Variants in MAST2 observed in about 807,000 individuals in gnomAD.
The protein encoded by MAST2 is microtubule-associated serine/threonine-protein kinase 2.
A neutral mutation model predicts 147.4 loss-of-function variants in MAST2; 70 were observed. The observed-to-expected ratio is 0.47, with a 90% CI of 0.39 to 0.58. The LOEUF is 0.58. Ranked by LOEUF, MAST2 falls within the 20% of genes least tolerant of loss-of-function variation. The probability of loss-of-function intolerance (pLI) is 0.00; values close to 1 mark genes in which losing one functional copy is unlikely to be tolerated. For synonymous variants in MAST2, 869 were observed against 896.8 expected (o/e 0.97, Z 0.55); for missense variants, 2,080 against 2,302.3 (o/e 0.90, Z 1.98).
chr1:45,821,502 T>C (rs953422099), intron 1 of MAST2, among the ~76,000 whole-genome samples: 2 of 148,148 alleles, frequency 1.3e-5, no homozygotes, highest in African/African-American at 5.0e-5. Flanking sequence ...GAAGTTTTGG[T>C]ATGTTATTTC....
chr1:46,016,854 C>T (rs1645969352), intron 10 of MAST2, among the ~76,000 whole-genome samples: 2 of 152,236 alleles, frequency 1.3e-5, no homozygotes, highest in South Asian at 2.1e-4. Flanking sequence ...CAAAAAAGAG[C>T]CCGCATCGCC....
chr1:45,906,282 G>A (rs1018055356), intron 4 of MAST2, among the ~76,000 whole-genome samples: 1 of 152,142 alleles, frequency 6.6e-6, no homozygotes, highest in African/African-American at 2.4e-5. Flanking sequence ...TAAAGGAGCT[G>A]AAAGTGACAT....
chr1:45,968,877 GTTT>G (rs35057147), intron 5 of MAST2, among the ~76,000 whole-genome samples: 1 of 139,284 alleles, frequency 7.2e-6, no homozygotes, highest in Non-Finnish European at 1.6e-5. Flanking sequence ...TCTGGTGTTG[GTTT>G]TTTTTTTTTC....
chr1:45,858,628 T>C (rs1645872994), intron 3 of MAST2, among the ~76,000 whole-genome samples: 1 of 142,834 alleles, frequency 7.0e-6, no homozygotes, highest in African/African-American at 2.6e-5. Context: ...TAAGATCCCA[T>C]TTGTCAATTT....
intron 4 of MAST2, among the ~76,000 whole-genome samples, chr1:45,955,774 C>G (rs567386946): frequency 4.6e-5 from 7 of 152,234 alleles, no homozygotes; most frequent in African/African-American, 1.7e-4. Context: ...GGAGAGAGGT[C>G]ATGGAGAATC....
chr1:45,878,571 A>G (rs776111209), intron 3 of MAST2, among the ~76,000 whole-genome samples: 12 of 152,160 alleles, frequency 7.9e-5, no homozygotes, highest in Non-Finnish European at 1.6e-4. Context: ...AAAGCTCCCT[A>G]TTATAGAAGA....
At chr1:45,824,627 C>T (rs1644735048) in intron 2 of MAST2, 47 bp downstream of exon 2, 2 of 1,521,996 alleles carry the variant, frequency 1.3e-6, no homozygotes, top group Middle Eastern at 1.7e-4. Context: ...ACCATGTGGT[C>T]AATATTTAAG....
In MAST2 at chr1:46,023,437, C is replaced by G; in HGVS notation, c.1571+119C>G. The G allele has an allele frequency of 2.3e-6, 2 of 884,164 alleles. No individual in the cohort carries two copies. Among genetic ancestry groups the G allele is most frequent in the Non-Finnish European group, 3.7e-6 (2 of 544,146 alleles). 54.8% of individuals were successfully genotyped at this position (884,164 alleles called of 1,614,324 possible). Reference sequence around the variant, plus strand: ...AGATGCCTCGGGGTGGACCTTCTCACTCCCAGAAGCCTCCTGGGTGGGCAG... The same window carrying G: ...AGATGCCTCGGGGTGGACCTTCTCAGTCCCAGAAGCCTCCTGGGTGGGCAG... On this transcript the variant is annotated intron_variant, in intron 14 of 28. Coordinates refer to ENST00000361297, the MANE Select transcript of MAST2 (RefSeq NM_015112.3). This position sits in a 1 kb window ranked among gnomAD's most constrained non-coding sequence, Gnocchi z 4.9.
chr1:46,030,377 G>A (rs1485981997), intron 21 of MAST2, 139 bp downstream of exon 21: 1 of 877,476 alleles, frequency 1.1e-6, no homozygotes, highest in Non-Finnish European at 1.8e-6. Context: ...AAGGGTTGGG[G>A]CTACATATAG....
Position 46,030,623 on chromosome 1 carries a change from A to G in MAST2, c.2570A>G (p.Glu857Gly), listed in dbSNP as rs1170737320. 7.5e-6 allele frequency: 12 copies of G among 1,610,576 alleles called. No individual in the cohort carries two copies. Among genetic ancestry groups the G allele is most frequent in the Non-Finnish European group, 9.3e-6 (11 of 1,179,006 alleles). Residue 857 changes from glutamate to glycine, a missense_variant, in exon 22 of 29, where the codon GAG becomes GGG. This residue lies in a region of MAST2 where 1,278 missense variants were observed against 1,304.2 expected (regional missense o/e 0.98). Transcript: ENST00000361297. Reference sequence around the variant, plus strand: ...TGCCCACAGGTGTACAGCAGCATGGAGCGGCTCTCACTGCTCGAGGAGCGC... The same window carrying G: ...TGCCCACAGGTGTACAGCAGCATGGGGCGGCTCTCACTGCTCGAGGAGCGC... ...PRFNKVYSSM[E>G]RLSLLEERRT... is the part of the protein sequence containing the mutation.
Position 46,023,619 on chromosome 1 carries a change from C to G in MAST2, c.1572-153C>G. 1 of 688,380 alleles carries G rather than the reference C, an allele frequency of 1.5e-6. No individual in the cohort carries two copies. Among genetic ancestry groups the G allele is most frequent in the Admixed American group, 2.7e-5 (1 of 36,512 alleles). 42.6% of individuals were successfully genotyped at this position (688,380 alleles called of 1,614,324 possible). ...TCAAGAAGTTTAAGAGTTCTATGGA[C>G]CAGGGGGTCCCAGACCCTTCTCACT... On this transcript the variant is annotated intron_variant, in intron 14 of 28. Coordinates refer to ENST00000361297, the MANE Select transcript of MAST2 (RefSeq NM_015112.3). The surrounding 1 kb of genome is among the most constrained non-coding windows in gnomAD (Gnocchi z 4.9).
chr1:45,843,393 A>G (rs1321092284), intron 3 of MAST2, among the ~76,000 whole-genome samples: 5 of 152,094 alleles, frequency 3.3e-5, no homozygotes, highest in Non-Finnish European at 5.9e-5. Flanking sequence ...TATGAATTTT[A>G]TGGTTTTACT....
At chr1:46,004,511 C>T (rs989768027) in intron 7 of MAST2, among the ~76,000 whole-genome samples, 2 of 152,078 alleles carry the variant, frequency 1.3e-5, no homozygotes, top group African/African-American at 2.4e-5. Context: ...CCAGTTTTGC[C>T]CACTGTAGTT....
chr1:45,983,078 G>GT (rs1244148121), intron 5 of MAST2, among the ~76,000 whole-genome samples: 2 of 152,068 alleles, frequency 1.3e-5, no homozygotes, highest in African/African-American at 2.4e-5. Context: ...ATAGTGGTCT[G>GT]TTTTTTGCTA....
At chr1:45,982,335 C>A (rs1205606765) in intron 5 of MAST2, among the ~76,000 whole-genome samples, 1 of 152,114 alleles carries the variant, frequency 6.6e-6, no homozygotes, top group Non-Finnish European at 1.5e-5. Flanking sequence ...TCTTGTTATA[C>A]CAGTGAGGTG....
At chr1:45,949,698 C>T (rs2148853788) in intron 4 of MAST2, among the ~76,000 whole-genome samples, 1 of 152,248 alleles carries the variant, frequency 6.6e-6, no homozygotes, top group Non-Finnish European at 1.5e-5. Context: ...TACCATTTGA[C>T]CCAGCAATTT....
intron 5 of MAST2, among the ~76,000 whole-genome samples, chr1:45,993,583 C>T (rs993904865): frequency 2.0e-5 from 3 of 152,036 alleles, no homozygotes; most frequent in Non-Finnish European, 4.4e-5. Context: ...ACTTGGGAGG[C>T]TAAGGCAGGA....
chr1:45,906,135 T>C (rs1650681362), intron 4 of MAST2, among the ~76,000 whole-genome samples: 1 of 152,176 alleles, frequency 6.6e-6, no homozygotes, highest in Admixed American at 6.6e-5. Context: ...AAAAAAAGAA[T>C]AAAAAATTAC....
intron 3 of MAST2, among the ~76,000 whole-genome samples, chr1:45,848,440 T>C (rs1175266082): frequency 2.0e-5 from 3 of 152,248 alleles, no homozygotes; most frequent in African/African-American, 4.8e-5. Context: ...TTAAAAACTT[T>C]GGACACTGAG....
Sources: gnomAD v4.1 joint callset for allele counts (sites outside exome capture counted in the v4.1 genomes callset) on GRCh38, gnomAD v4.1.1 for gene constraint, gnomAD v4.1.1 regional missense constraint, Gnocchi (gnomAD v3.1) non-coding constraint, MANE v1.5 for transcripts, NCBI Gene and HGNC (gene_info 2026-07-23, HGNC 2026-07-21) for gene names.